The following LGALS2 variants were observed in gnomAD, a reference collection of about 807,000 sequenced individuals.
LGALS2 encodes the protein galectin 2.
LGALS2 carries 7 observed loss-of-function variants against 10.1 expected under a neutral mutation model. The observed-to-expected ratio is 0.70, with a 90% CI of 0.40 to 1.31. The LOEUF is 1.31. Ranked by LOEUF, LGALS2 falls within the 50% of genes most tolerant of loss-of-function variation. The pLI is 0.01. For missense variants in LGALS2, 167 were observed against 163.6 expected (o/e 1.02, Z -0.11); for synonymous variants, 86 against 64.2 (o/e 1.34, Z -1.63).
chr22:37,578,578 G>T (rs1373326347), intron 1 of LGALS2: 1 of 152,240 alleles, frequency 6.6e-6, no homozygotes, highest in Admixed American at 6.6e-5. Context: ...CACTTCGAGA[G>T]GCCAAGGCAG....
chr22:37,573,537 T>C (rs1380599918), intron 1 of LGALS2, among the ~76,000 whole-genome samples: 1 of 152,090 alleles, frequency 6.6e-6, no homozygotes, highest in Non-Finnish European at 1.5e-5. Flanking sequence ...ATTTCTATTT[T>C]TGTTGTTGTT....
At chr22:37,576,997 G>GA (rs57868739) in intron 1 of LGALS2, among the ~76,000 whole-genome samples, 1 of 151,176 alleles carries the variant, frequency 6.6e-6, no homozygotes, top group African/African-American at 2.4e-5. Flanking sequence ...AGCTGGGGGG[G>GA]TGGGGAGTTG....
intron 3 of LGALS2, 69 bp downstream of exon 3, chr22:37,570,507 G>C: frequency 6.2e-7 from 1 of 1,608,628 alleles, no homozygotes; most frequent in Admixed American, 1.7e-5. Context: ...CTGTGTCCAG[G>C]CCAGGCTCTC....
In LGALS2 at chr22:37,579,829, TA is replaced by T. The variant is rs201189347; in HGVS notation, c.6+70del. 2.1e-4 allele frequency: 327 copies of T among 1,536,818 alleles called. 4 individuals carry two copies. In the East Asian group the frequency reaches 7.4e-3, roughly 35 times the overall value. ...AGAGAGGGACAGCAATGGTTTTCCC[TA>T]AAAGCCCCCACCCAGGCAAAGACAA... is the stretch of plus-strand genomic sequence containing the variant. On this transcript the variant is annotated intron_variant, in intron 1 of 3. Transcript: ENST00000215886.
Position 37,571,938 on chromosome 22 carries a change from C to G in LGALS2, c.7-7G>C. The G allele has an allele frequency of 6.2e-7, 1 of 1,612,260 alleles. No individual in the cohort carries two copies. The highest frequency in any genetic ancestry group is 8.5e-7 in the Non-Finnish European group (1 of 1,178,306). ...TCTTAACCTCAAGTTCCCCCTGGGCCAACAGAGAAACATTCCACTCGAGTC... is the reference window on the plus strand; with the variant it reads ...TCTTAACCTCAAGTTCCCCCTGGGCGAACAGAGAAACATTCCACTCGAGTC... On this transcript the variant is annotated splice_region_variant and splice_polypyrimidine_tract_variant and intron_variant, in intron 1 of 3. Coordinates refer to ENST00000215886, the MANE Select transcript of LGALS2 (RefSeq NM_006498.3).
chr22:37,575,352 C>T (rs1003519108), intron 1 of LGALS2, among the ~76,000 whole-genome samples: 10 of 151,802 alleles, frequency 6.6e-5, no homozygotes, highest in South Asian at 2.1e-4. Context: ...CGACTATAGA[C>T]GTGTGCCACC....
At position 37,572,403 on chromosome 22, in the gene LGALS2, G is replaced by A. The variant is rs750839917; in HGVS notation, c.7-472C>T. 2.1e-4 allele frequency among the ~76,000 whole-genome samples: 32 copies of A among 152,044 alleles called. 1 individual carries two copies. Among genetic ancestry groups the A allele is most frequent in the Admixed American group, 1.3e-3 (20 of 15,252 alleles). On this transcript the variant is annotated intron_variant, in intron 1 of 3. Coordinates refer to ENST00000215886, the MANE Select transcript of LGALS2 (RefSeq NM_006498.3). ...TCCCAGCATTTTGGGAGGCCGAGGC[G>A]GGCTGATCACCTGAGGTCAGGAGTT...
chr22:37,579,271 G>T (rs928016682), intron 1 of LGALS2, among the ~76,000 whole-genome samples: 2 of 140,326 alleles, frequency 1.4e-5, no homozygotes, highest in Non-Finnish European at 3.1e-5. Context: ...AAAAGAGAAA[G>T]AAAAGAAACA....
chr22:37,575,265 G>T (rs1008177236), intron 1 of LGALS2, among the ~76,000 whole-genome samples: 1 of 144,528 alleles, frequency 6.9e-6, no homozygotes, highest in Non-Finnish European at 1.5e-5. Flanking sequence ...GCAGTAGCAC[G>T]ATTATAACTC....
intron 1 of LGALS2, among the ~76,000 whole-genome samples, chr22:37,573,308 C>G (rs1201288584): frequency 6.6e-6 from 1 of 152,114 alleles, no homozygotes; most frequent in Non-Finnish European, 1.5e-5. Context: ...AACTAAGAAT[C>G]TATAAAACTC....
In LGALS2 at chr22:37,579,991, A is replaced by C. The variant is rs371823416; in HGVS notation, c.-86T>G. The C allele has an allele frequency of 4.9e-6, 7 of 1,438,812 alleles. No individual in the cohort carries two copies. The East Asian group carries it at 1.4e-4, about 28-fold the overall frequency. 89.1% of individuals were successfully genotyped at this position (1,438,812 alleles called of 1,614,324 possible). On this transcript the variant is annotated 5_prime_UTR_variant, in exon 1 of 4. Transcript: ENST00000215886. ...CTCGTGGTCAAGCTTATATCCTAGA[A>C]TATTACACATTAACTCCCTCAAGGT...
intron 2 of LGALS2, 133 bp from the exon 3 acceptor site, chr22:37,570,868 AG>A (rs1925477934): frequency 1.0e-5 from 10 of 982,500 alleles, no homozygotes; most frequent in Non-Finnish European, 1.6e-5. Context: ...CCTTAAAACA[AG>A]GGAGGTAACA....
chr22:37,571,278 C>T (rs1049197890), intron 2 of LGALS2, among the ~76,000 whole-genome samples: 3 of 152,196 alleles, frequency 2.0e-5, no homozygotes, highest in Non-Finnish European at 2.9e-5. Context: ...TCCCTTAGCT[C>T]CTATGGCATG....
At position 37,580,001 on chromosome 22, in the gene LGALS2, T is replaced by C. The variant is rs543276312; in HGVS notation, c.-96A>G. Reference sequence around the variant, plus strand: ...AGCTTATATCCTAGAATATTACACATTAACTCCCTCAAGGTCCTAGGTGAG... The same window carrying C: ...AGCTTATATCCTAGAATATTACACACTAACTCCCTCAAGGTCCTAGGTGAG... On this transcript the variant is annotated 5_prime_UTR_variant, in exon 1 of 4. The change abolishes an upstream ATG in the 5' untranslated region. Transcript: ENST00000215886. The C allele has an allele frequency of 4.1e-4, 557 of 1,363,352 alleles. No individual in the cohort carries two copies. Among genetic ancestry groups the C allele is most frequent in the Non-Finnish European group, 4.6e-4 (444 of 969,050 alleles). The allele number at this position is 1,363,352 out of a possible 1,614,324, so 84.5% of individuals were successfully genotyped here.
At chr22:37,578,402 A>G (rs994595820) in intron 1 of LGALS2, among the ~76,000 whole-genome samples, 1 of 152,164 alleles carries the variant, frequency 6.6e-6, no homozygotes, top group Admixed American at 6.5e-5. Flanking sequence ...TCAGCCTCCC[A>G]AGGCTGAGGA....
At chr22:37,570,456 TGGGCCA>T in intron 3 of LGALS2, 44 bp from the exon 4 acceptor site, 1 of 1,607,914 alleles carries the variant, frequency 6.2e-7, no homozygotes, top group Non-Finnish European at 8.5e-7. Context: ...GCCCTGGAAA[TGGGCCA>T]GGGCAGTGCC....
chr22:37,573,207 G>A (rs796390468), intron 1 of LGALS2, among the ~76,000 whole-genome samples: 8 of 152,186 alleles, frequency 5.3e-5, no homozygotes, highest in African/African-American at 1.9e-4. Flanking sequence ...GGAGGCAGAG[G>A]TTGCAGTAAG....
intron 1 of LGALS2, among the ~76,000 whole-genome samples, chr22:37,575,559 C>G (rs1197667849): frequency 6.6e-6 from 1 of 151,582 alleles, no homozygotes; most frequent in Non-Finnish European, 1.5e-5. Flanking sequence ...CTCTTGGGCT[C>G]AAGCAATCCT....
intron 2 of LGALS2, among the ~76,000 whole-genome samples, chr22:37,571,055 C>T (rs1265034093): frequency 6.6e-6 from 1 of 152,162 alleles, no homozygotes; most frequent in East Asian, 1.9e-4. Context: ...CAGCAGCCAA[C>T]CTAAGGTGGT....
Sources: allele counts gnomAD v4.1 joint callset (sites outside exome capture counted in the v4.1 genomes callset), GRCh38; gene constraint gnomAD v4.1.1; transcripts MANE v1.5; gene names NCBI Gene and HGNC (gene_info 2026-07-23, HGNC 2026-07-21).